The following PPP4R4 variants were observed in gnomAD, a reference collection of about 807,000 sequenced individuals.
PPP4R4 encodes serine/threonine-protein phosphatase 4 regulatory subunit 4.
A neutral mutation model predicts 121.8 loss-of-function variants in PPP4R4; 70 were observed. The observed-to-expected ratio is 0.57, with a 90% confidence interval of 0.47 to 0.70. The LOEUF is 0.70. Among genes scored for constraint, PPP4R4 ranks in the 30% least tolerant of loss-of-function variants. The pLI is 0.00. For synonymous variants in PPP4R4, 348 were observed against 355.7 expected (o/e 0.98, Z 0.24); for missense variants, 875 against 1,033.6 (o/e 0.85, Z 2.10).
intron 2 of PPP4R4, among the ~76,000 whole-genome samples, chr14:94,201,646 C>CT (rs899142658): frequency 6.6e-6 from 1 of 152,102 alleles, no homozygotes; most frequent in Admixed American, 6.5e-5. Flanking sequence ...CTCCTGCTCA[C>CT]TTTTGGTGAC....
Position 94,174,482 on chromosome 14 carries a change from C to A in PPP4R4, c.17C>A (p.Pro6His), listed in dbSNP as rs1373275140. MHPPP[P>H]AAAMDFSQNS... ...CGGCGGTCCATGCATCCGCCGCCGC[C>A]CGCCGCCGCGATGGATTTCAGTCAG... is the stretch of plus-strand genomic sequence containing the variant. Residue 6 changes from proline to histidine, a missense_variant, in exon 1 of 25, where the codon CCC (proline) becomes CAC (histidine). By Grantham distance (77) the Pro-to-His change is moderately conservative. Transcript: ENST00000304338. 6.2e-7 allele frequency: 1 copy of A among 1,605,496 alleles called. No individual in the cohort carries two copies. Among genetic ancestry groups the A allele is most frequent in the Non-Finnish European group, 8.5e-7 (1 of 1,176,820 alleles).
At chr14:94,273,091 C>T (rs1393041834) in intron 23 of PPP4R4, among the ~76,000 whole-genome samples, 1 of 152,164 alleles carries the variant, frequency 6.6e-6, no homozygotes, top group Non-Finnish European at 1.5e-5. Context: ...TAGTTTCTTA[C>T]AAAACCAGAC....
intron 3 of PPP4R4, among the ~76,000 whole-genome samples, chr14:94,230,242 A>G (rs1417684152): frequency 6.6e-6 from 1 of 152,224 alleles, no homozygotes. Context: ...AGGTAGGATG[A>G]CAAACTGTCA....
chr14:94,206,893 G>A (rs923005538), intron 2 of PPP4R4, among the ~76,000 whole-genome samples: 3 of 152,072 alleles, frequency 2.0e-5, no homozygotes, highest in Non-Finnish European at 4.4e-5. Flanking sequence ...ACAGAAGTCT[G>A]AAGTCAAGAT....
At chr14:94,273,622 A>G (rs1373435602) in intron 23 of PPP4R4, among the ~76,000 whole-genome samples, 3 of 152,138 alleles carry the variant, frequency 2.0e-5, no homozygotes, top group African/African-American at 7.2e-5. Flanking sequence ...TTGGGTGATA[A>G]TGACATGTCA....
At chr14:94,178,061 G>T (rs531226750) in intron 2 of PPP4R4, among the ~76,000 whole-genome samples, 1 of 152,114 alleles carries the variant, frequency 6.6e-6, no homozygotes, top group African/African-American at 2.4e-5. Context: ...CCTTAGTCCA[G>T]CTTTGGGAGG....
intron 2 of PPP4R4, among the ~76,000 whole-genome samples, chr14:94,202,299 T>C (rs1237644824): frequency 6.6e-6 from 1 of 152,094 alleles, no homozygotes; most frequent in Admixed American, 6.5e-5. Context: ...CAAAAACCTA[T>C]AGAAATAAAG....
intron 2 of PPP4R4, among the ~76,000 whole-genome samples, chr14:94,197,221 A>G (rs948183889): frequency 6.6e-5 from 10 of 152,106 alleles, no homozygotes; most frequent in African/African-American, 2.4e-4. Context: ...AAGTTTTGAA[A>G]GTTCATGGGG....
At chr14:94,270,806 T>G (rs1331455685) in intron 23 of PPP4R4, among the ~76,000 whole-genome samples, 2 of 151,542 alleles carry the variant, frequency 1.3e-5, no homozygotes, top group Non-Finnish European at 2.9e-5. Flanking sequence ...TGGTCCCAGA[T>G]ACTCGGGAGG....
At chr14:94,174,814 C>T (rs1190402585) in intron 1 of PPP4R4, among the ~76,000 whole-genome samples, 1 of 152,090 alleles carries the variant, frequency 6.6e-6, no homozygotes. Flanking sequence ...ACCCCCATCC[C>T]CAAGGGACGG....
At chr14:94,230,810 T>A in intron 4 of PPP4R4, 76 bp downstream of exon 4, 1 of 1,443,370 alleles carries the variant, frequency 6.9e-7, no homozygotes, top group Non-Finnish European at 9.4e-7. Flanking sequence ...ATATAAATAC[T>A]GTTAGCCTGA....
At chr14:94,251,650 G>T in intron 15 of PPP4R4, 99 bp from the exon 16 acceptor site, 1 of 902,516 alleles carries the variant, frequency 1.1e-6, no homozygotes, top group Non-Finnish European at 1.6e-6. Context: ...CAAATTGTGG[G>T]TATGAAGAAA....
At chr14:94,265,735 G>C (rs1296847119) in intron 21 of PPP4R4, 59 bp from the exon 22 acceptor site, 1 of 1,242,468 alleles carries the variant, frequency 8.0e-7, no homozygotes, top group Non-Finnish European at 1.2e-6. Flanking sequence ...AGGGAATGGG[G>C]GTTGGAGCAG....
At chr14:94,245,041 T>C (rs1440345835) in intron 12 of PPP4R4, among the ~76,000 whole-genome samples, 1 of 152,146 alleles carries the variant, frequency 6.6e-6, no homozygotes. Flanking sequence ...TATATGAATA[T>C]TCTTTTCTAT....
At chr14:94,182,673 G>C (rs148397551) in intron 2 of PPP4R4, among the ~76,000 whole-genome samples, 36 of 152,230 alleles carry the variant, frequency 2.4e-4, no homozygotes, top group African/African-American at 8.4e-4. Context: ...TTCCACTGCT[G>C]ATGGACATTT....
chr14:94,252,805 T>C (rs960201324), intron 16 of PPP4R4, among the ~76,000 whole-genome samples: 1 of 152,204 alleles, frequency 6.6e-6, no homozygotes, highest in African/African-American at 2.4e-5. Context: ...GCACTTAGTC[T>C]TATGCATCTG....
chr14:94,222,863 G>T (rs11160165), intron 3 of PPP4R4, among the ~76,000 whole-genome samples: 29,294 of 151,630 alleles, frequency 0.19, 3,363 homozygotes, highest in East Asian at 0.59. Flanking sequence ...CTCCTTCTAA[G>T]ACTCCAATTT....
chr14:94,188,992 T>C (rs1889448112), intron 2 of PPP4R4, among the ~76,000 whole-genome samples: 1 of 152,134 alleles, frequency 6.6e-6, no homozygotes, highest in Non-Finnish European at 1.5e-5. Context: ...GGACTGATAA[T>C]TCATATATTG....
At chr14:94,195,232 A>G (rs1346670468) in intron 2 of PPP4R4, among the ~76,000 whole-genome samples, 1 of 152,154 alleles carries the variant, frequency 6.6e-6, no homozygotes, top group Non-Finnish European at 1.5e-5. Context: ...TGTGATCCCC[A>G]GTAGTATCAC....
Sources: allele counts gnomAD v4.1 joint callset (sites outside exome capture counted in the v4.1 genomes callset), GRCh38; gene constraint gnomAD v4.1.1; transcripts MANE v1.5; gene names NCBI Gene and HGNC (gene_info 2026-07-23, HGNC 2026-07-21).